LDLRAD4: variants seen among roughly 807,000 people sequenced by gnomAD.
The protein encoded by LDLRAD4 is low-density lipoprotein receptor class A domain-containing protein 4.
In LDLRAD4, 5 loss-of-function variants were observed where a neutral mutation model predicts 17.0. The ratio of observed to expected loss-of-function variants is 0.29; its 90% CI spans 0.15 to 0.62. The LOEUF is 0.62. Among genes scored for constraint, LDLRAD4 ranks in the 20% least tolerant of loss-of-function variants. The probability of loss-of-function intolerance (pLI) is 0.84; values close to 1 mark genes in which losing one functional copy is unlikely to be tolerated. For missense variants in LDLRAD4, 340 were observed against 424.7 expected (o/e 0.80, Z 1.75); for synonymous variants, 168 against 171.8 (o/e 0.98, Z 0.17).
At chr18:13,302,127 TC>T (rs1347417425) in intron 1 of LDLRAD4, among the ~76,000 whole-genome samples, 1 of 152,256 alleles carries the variant, frequency 6.6e-6, no homozygotes, top group Non-Finnish European at 1.5e-5. Flanking sequence ...GACCCTGCAG[TC>T]TTCAGCTATT....
At chr18:13,437,617 T>C (rs1264687719) in intron 2 of LDLRAD4, among the ~76,000 whole-genome samples, 1 of 152,200 alleles carries the variant, frequency 6.6e-6, no homozygotes, top group African/African-American at 2.4e-5. Flanking sequence ...GCATGGCCCT[T>C]TAGCAGAAAG....
rs531007736 is a variant in LDLRAD4 at position 13,537,977 on chromosome 18, T to C, written c.182-83140T>C. On this transcript the variant is annotated intron_variant, in intron 3 of 5. Coordinates refer to ENST00000359446, the Ensembl canonical transcript of LDLRAD4. ...AAATCTATTGGCACAAAATTATTTA[T>C]AATATTGTTTATTAGCCTTTTAATA... 1.8e-4 allele frequency among the ~76,000 whole-genome samples: 28 copies of C among 152,352 alleles called. No homozygotes were observed. In the South Asian group the frequency reaches 5.8e-3, roughly 32 times the overall value.
intron 3 of LDLRAD4, among the ~76,000 whole-genome samples, chr18:13,519,379 T>C (rs1277171344): frequency 6.6e-6 from 1 of 152,218 alleles, no homozygotes; most frequent in South Asian, 2.1e-4. Flanking sequence ...GTCAGCTCTT[T>C]CCCTGTCTGC....
chr18:13,307,225 T>C (rs2046966750), intron 1 of LDLRAD4, among the ~76,000 whole-genome samples: 1 of 152,182 alleles, frequency 6.6e-6, no homozygotes, highest in Non-Finnish European at 1.5e-5. Flanking sequence ...GTGCCTTTCC[T>C]GTCCCGGTTC....
chr18:13,410,550 A>G (rs1016098308), intron 2 of LDLRAD4, among the ~76,000 whole-genome samples: 3 of 152,222 alleles, frequency 2.0e-5, no homozygotes, highest in Admixed American at 6.5e-5. Flanking sequence ...CAGTTTTGCT[A>G]TTGTTTACAC....
chr18:13,541,117 C>T (rs549219787), intron 3 of LDLRAD4, among the ~76,000 whole-genome samples: 9 of 152,270 alleles, frequency 5.9e-5, no homozygotes, highest in African/African-American at 1.9e-4. Context: ...AGCCCGACCC[C>T]GCAAGGCACT....
intron 1 of LDLRAD4, among the ~76,000 whole-genome samples, chr18:13,256,782 G>A (rs369966141): frequency 1.5e-4 from 23 of 152,310 alleles, no homozygotes; most frequent in African/African-American, 5.3e-4. Flanking sequence ...TAAGGAAGGC[G>A]TCAAAAGCAG....
chr18:13,579,126 C>G (rs2094820673), intron 3 of LDLRAD4, among the ~76,000 whole-genome samples: 1 of 151,792 alleles, frequency 6.6e-6, no homozygotes, highest in African/African-American at 2.4e-5. Flanking sequence ...GGAGGCGGAG[C>G]TTGCAGTGAG....
At chr18:13,391,755 A>G (rs1162530939) in intron 2 of LDLRAD4, among the ~76,000 whole-genome samples, 1 of 152,128 alleles carries the variant, frequency 6.6e-6, no homozygotes, top group Admixed American at 6.5e-5. Context: ...ACATCCTTCC[A>G]GTTTTGTCTT....
At chr18:13,338,863 A>G (rs2082233260) in intron 1 of LDLRAD4, among the ~76,000 whole-genome samples, 1 of 152,168 alleles carries the variant, frequency 6.6e-6, no homozygotes. Context: ...GATGCTTTCC[A>G]CTGGTTGTTT....
intron 2 of LDLRAD4, among the ~76,000 whole-genome samples, chr18:13,392,738 T>A (rs977583694): frequency 6.6e-6 from 1 of 152,252 alleles, no homozygotes; most frequent in East Asian, 1.9e-4. Flanking sequence ...TTAGGCTTTT[T>A]AAATTATTTT....
At chr18:13,625,686 G>A (rs1351082206) in intron 4 of LDLRAD4, among the ~76,000 whole-genome samples, 2 of 149,892 alleles carry the variant, frequency 1.3e-5, no homozygotes, top group South Asian at 2.1e-4. Flanking sequence ...CGCAGCCGGC[G>A]CCCTCCTCCC....
intron 3 of LDLRAD4, among the ~76,000 whole-genome samples, chr18:13,551,452 G>A (rs1240981170): frequency 9.9e-5 from 15 of 152,222 alleles, no homozygotes; most frequent in Non-Finnish European, 1.8e-4. Context: ...CCAGGCTGCC[G>A]AGGCCTCGGC....
intron 3 of LDLRAD4, among the ~76,000 whole-genome samples, chr18:13,493,917 G>T (rs2093409338): frequency 6.6e-6 from 1 of 152,330 alleles, no homozygotes; most frequent in African/African-American, 2.4e-5. Context: ...CCACCCAGGG[G>T]GTCCCCGCTT....
chr18:13,406,555 A>C (rs910717075), intron 2 of LDLRAD4, among the ~76,000 whole-genome samples: 1 of 152,058 alleles, frequency 6.6e-6, no homozygotes, highest in South Asian at 2.1e-4. Context: ...TTTACTGGGG[A>C]AGAGGCTTCC....
chr18:13,642,981 G>A (rs1428728962), intron 4 of LDLRAD4, among the ~76,000 whole-genome samples: 1 of 151,028 alleles, frequency 6.6e-6, no homozygotes, highest in Non-Finnish European at 1.5e-5. Flanking sequence ...TGTCGCCCAG[G>A]CTGGAGTGCA....
intron 1 of LDLRAD4, among the ~76,000 whole-genome samples, chr18:13,269,652 G>A (rs2044412389): frequency 6.6e-6 from 1 of 152,074 alleles, no homozygotes; most frequent in African/African-American, 2.4e-5. Flanking sequence ...TGGGGCCCTA[G>A]CGAGCTGTCC....
intron 2 of LDLRAD4, among the ~76,000 whole-genome samples, chr18:13,399,286 T>C (rs2086962684): frequency 6.6e-6 from 1 of 152,220 alleles, no homozygotes; most frequent in Non-Finnish European, 1.5e-5. Flanking sequence ...CACATGTGCA[T>C]GTTCCTGGGC....
intron 1 of LDLRAD4, among the ~76,000 whole-genome samples, chr18:13,292,989 C>T (rs920918209): frequency 2.0e-5 from 3 of 152,196 alleles, no homozygotes; most frequent in African/African-American, 7.2e-5. Flanking sequence ...TGGAGGCAGG[C>T]GAGCTTTGGT....
Sources: allele counts gnomAD v4.1 joint callset (sites outside exome capture counted in the v4.1 genomes callset), GRCh38; gene constraint gnomAD v4.1.1; transcripts MANE v1.5; gene names NCBI Gene and HGNC (gene_info 2026-07-23, HGNC 2026-07-21).